SLC26A5: variants seen among roughly 807,000 people sequenced by gnomAD.
SLC26A5 encodes prestin.
Under a neutral mutation model 81.0 loss-of-function variants are expected in SLC26A5, and 51 were observed. The ratio of observed to expected loss-of-function variants is 0.63; its 90% CI spans 0.50 to 0.80. The LOEUF (loss-of-function observed/expected upper bound fraction) is 0.80. SLC26A5 is among the 30% of genes least tolerant of loss of function. SLC26A5 has a pLI of 0.00. For synonymous variants in SLC26A5, 325 were observed against 332.8 expected (o/e 0.98, Z 0.25); for missense variants, 771 against 905.8 (o/e 0.85, Z 1.91).
chr7:103,373,897 T>C (rs1342984565), downstream of SLC26A5, among the ~76,000 whole-genome samples: 1 of 152,214 alleles, frequency 6.6e-6, no homozygotes, highest in African/African-American at 2.4e-5. Flanking sequence ...TTTTAAAATG[T>C]CCTCAATGCA....
chr7:103,352,796 T>C (rs1219732031), exon 20 of SLC26A5: 2 of 779,014 alleles, frequency 2.6e-6, no homozygotes, highest in African/African-American at 3.4e-5. Context: ...GTGACTTGGC[T>C]GAGGTCACCC....
intron 2 of SLC26A5, among the ~76,000 whole-genome samples, chr7:103,434,314 T>G (rs906088663): frequency 7.2e-5 from 11 of 152,216 alleles, no homozygotes; most frequent in Non-Finnish European, 1.3e-4. Context: ...TCCAGTTTCC[T>G]CATGAGAAGC....
chr7:103,434,592 T>C (rs1826314845), intron 2 of SLC26A5, among the ~76,000 whole-genome samples: 1 of 152,294 alleles, frequency 6.6e-6, no homozygotes, highest in Admixed American at 6.5e-5. Context: ...TCCTCTTTTC[T>C]AGCATATTCT....
At chr7:103,391,939 T>G (rs1197369722) in intron 10 of SLC26A5, among the ~76,000 whole-genome samples, 4 of 152,228 alleles carry the variant, frequency 2.6e-5, no homozygotes, top group Non-Finnish European at 4.4e-5. Context: ...GAATTTTTAT[T>G]TTGTCAGAGA....
At chr7:103,363,625 G>C (rs922000658) in intron 19 of SLC26A5, among the ~76,000 whole-genome samples, 2 of 152,118 alleles carry the variant, frequency 1.3e-5, no homozygotes, top group Admixed American at 1.3e-4. Context: ...AAAGGATTGA[G>C]TGGTCAGGTA....
intron 19 of SLC26A5, chr7:103,362,241 G>C: frequency 7.0e-7 from 1 of 1,437,036 alleles, no homozygotes. Flanking sequence ...TCTGTCTTCT[G>C]CATCTGCTTC....
intron 19 of SLC26A5, chr7:103,355,642 T>C (rs1586144946): frequency 1.5e-6 from 2 of 1,354,540 alleles, no homozygotes; most frequent in Non-Finnish European, 2.1e-6. Context: ...GAAAGCTTAT[T>C]ATAGGGTGAT....
chr7:103,368,152 T>A, intron 19 of SLC26A5: 1 of 1,085,420 alleles, frequency 9.2e-7, no homozygotes, highest in Non-Finnish European at 1.3e-6. Flanking sequence ...GCTTCAAAAT[T>A]GTATGCTTTT....
intron 19 of SLC26A5, chr7:103,366,266 C>T: frequency 1.0e-6 from 1 of 1,000,048 alleles, no homozygotes; most frequent in African/African-American, 1.6e-5. Context: ...TTAACTCCAA[C>T]TCTTCTATGA....
In SLC26A5 at chr7:103,402,304, C is replaced by G. The variant is rs961930772; in HGVS notation, c.889-4290G>C. 9.2e-5 allele frequency among the ~76,000 whole-genome samples: 14 copies of G among 151,892 alleles called. 1 individual carries two copies. Among genetic ancestry groups the G allele is most frequent in the African/African-American group, 3.4e-4 (14 of 41,412 alleles). On this transcript the variant is annotated intron_variant, in intron 8 of 19. Transcript: ENST00000306312. ...TTAGTCTTGGGAGGGTGTATGTGTCCAGGAATTTATCCATTTCTTCTAGAT... is the reference window on the plus strand; with the variant it reads ...TTAGTCTTGGGAGGGTGTATGTGTCGAGGAATTTATCCATTTCTTCTAGAT...
At position 103,379,315 on chromosome 7, in the gene SLC26A5, T is replaced by C; in HGVS notation, c.1605A>G (p.Ile535Met). 1 of 1,607,342 alleles carries C rather than the reference T, an allele frequency of 6.2e-7. No homozygotes were observed. The highest frequency in any genetic ancestry group is 8.5e-7 in the Non-Finnish European group (1 of 1,174,104). The change falls in exon 16 of 20, where the codon ATA (isoleucine) becomes ATG (methionine). Residue 535 changes from isoleucine (I) to methionine (M), a missense_variant. By Grantham distance (10) the Ile-to-Met change is conservative. Coordinates refer to ENST00000306312, the MANE Select transcript of SLC26A5 (RefSeq NM_198999.3). ...AYEEVKEIPG[I>M]KIFQINAPIY... ...TTGGTGCATTTATTTGAAATATTTTTATTCCAGGAATTTCTTTCACCTGAA... is the reference window on the plus strand; with the variant it reads ...TTGGTGCATTTATTTGAAATATTTTCATTCCAGGAATTTCTTTCACCTGAA...
chr7:103,401,219 ATTTG>A (rs1468434256), intron 8 of SLC26A5, among the ~76,000 whole-genome samples: 1 of 152,088 alleles, frequency 6.6e-6, no homozygotes, highest in African/African-American at 2.4e-5. Flanking sequence ...ATGTTTTTCC[ATTTG>A]TTTGTGTCCT....
At chr7:103,359,322 A>G (rs1402886188) in intron 19 of SLC26A5, among the ~76,000 whole-genome samples, 1 of 151,608 alleles carries the variant, frequency 6.6e-6, no homozygotes, top group African/African-American at 2.4e-5. Flanking sequence ...TTTAATAACA[A>G]TCTTACTGAT....
At chr7:103,374,638 T>C in intron 19 of SLC26A5, 46 bp from the exon 20 acceptor site, 1 of 1,565,560 alleles carries the variant, frequency 6.4e-7, no homozygotes, top group East Asian at 2.2e-5. Context: ...TGGATATCAG[T>C]CTTCAACAAT....
intron 19 of SLC26A5, among the ~76,000 whole-genome samples, chr7:103,364,537 G>A (rs531273066): frequency 4.6e-5 from 7 of 152,180 alleles, no homozygotes; most frequent in African/African-American, 9.6e-5. Flanking sequence ...AGCCTCTCAG[G>A]TAGCTGAGAC....
chr7:103,406,542 C>T (rs112790211), intron 8 of SLC26A5, among the ~76,000 whole-genome samples: 1 of 152,098 alleles, frequency 6.6e-6, no homozygotes, highest in African/African-American at 2.4e-5. Context: ...TGAGGTGAGC[C>T]GGATTCCTCA....
intron 11 of SLC26A5, among the ~76,000 whole-genome samples, chr7:103,390,737 A>G (rs1245612075): frequency 6.6e-6 from 1 of 152,204 alleles, no homozygotes; most frequent in Non-Finnish European, 1.5e-5. Flanking sequence ...TATCCTAATT[A>G]AAATGCCCTT....
chr7:103,380,373 C>A lies in SLC26A5; in HGVS notation c.1584+107G>T. The A allele has an allele frequency of 3.5e-6, 3 of 856,158 alleles. No homozygotes were observed. The East Asian group carries it at 7.6e-5, about 22-fold the overall frequency. 53.0% of individuals were successfully genotyped at this position (856,158 alleles called of 1,614,324 possible). The stretch of plus-strand genomic sequence containing the variant: ...CAAAGCTCAGACTTTTCACTTTGAC[C>A]ACTATACCTCCCATCTTACCCCTAC... On this transcript the variant is annotated intron_variant, in intron 15 of 19. Transcript: ENST00000306312.
chr7:103,382,351 T>C (rs1821867168), intron 14 of SLC26A5, among the ~76,000 whole-genome samples: 1 of 146,224 alleles, frequency 6.8e-6, no homozygotes, highest in South Asian at 2.2e-4. Context: ...ATTTCCTTTT[T>C]TTTTTTTTTT....
Sources: gnomAD v4.1 joint callset for allele counts (sites outside exome capture counted in the v4.1 genomes callset) on GRCh38, gnomAD v4.1.1 for gene constraint, MANE v1.5 for transcripts, NCBI Gene and HGNC (gene_info 2026-07-23, HGNC 2026-07-21) for gene names.